Variants in BICDL1 observed in about 807,000 individuals in gnomAD.
BICDL1 encodes BICD family-like cargo adapter 1.
In BICDL1, 20 loss-of-function variants were observed where a neutral mutation model predicts 76.8. The observed-to-expected ratio is 0.26, with a 90% CI of 0.18 to 0.38. The LOEUF is 0.38. Ranked by LOEUF, BICDL1 falls within the 10% of genes least tolerant of loss-of-function variation. The probability of loss-of-function intolerance (pLI) is 1.00; values close to 1 mark genes in which losing one functional copy is unlikely to be tolerated. For synonymous variants in BICDL1, 383 were observed against 337.1 expected, an observed-to-expected ratio of 1.14 and a Z score of -1.49; for missense variants, 700 against 798.6, an observed-to-expected ratio of 0.88 and a Z score of 1.49.
rs768324072 is a variant in BICDL1, at chr12:120,071,685, G to A, written c.973G>A (p.Val325Met). ...CTCCTGCCGACAGCTGCAGGTGAAG[G>A]TGGAAGAACTCACTGAGGAGAGGAG... ...RLSCRQLQVKVEELTEERSLQ... is the reference protein window; with the variant it reads ...RLSCRQLQVKMEELTEERSLQ... Residue 325 changes from valine to methionine, a missense_variant, in exon 5 of 10, where the codon GTG becomes ATG. Physicochemically the swap from Val to Met is conservative, Grantham distance 21. This residue lies in a region of BICDL1 where 455 missense variants were observed against 548.7 expected (regional missense o/e 0.83). Coordinates refer to ENST00000548673, the MANE Select transcript of BICDL1 (RefSeq NM_001367886.1). The surrounding 1 kb of genome is among the most constrained non-coding windows in gnomAD (Gnocchi z 4.8). The A allele has an allele frequency of 3.2e-5, 52 of 1,612,736 alleles. No individual in the cohort carries two copies. The highest frequency in any genetic ancestry group is 4.2e-5 in the Non-Finnish European group (50 of 1,179,830).
At chr12:120,073,304 GA>G (rs1270719471) in intron 6 of BICDL1, among the ~76,000 whole-genome samples, 1 of 152,242 alleles carries the variant, frequency 6.6e-6, no homozygotes, top group Non-Finnish European at 1.5e-5. Context: ...GTGATGTACA[GA>G]CAATGGCAGC....
chr12:120,031,625 C>T (rs1252850410), intron 2 of BICDL1, among the ~76,000 whole-genome samples: 1 of 152,068 alleles, frequency 6.6e-6, no homozygotes, highest in Non-Finnish European at 1.5e-5. Flanking sequence ...GTGTGTGTAG[C>T]TCTTTGTGCA....
chr12:120,072,367 T>TAAA, intron 5 of BICDL1, 144 bp from the exon 6 acceptor site: 2 of 626,026 alleles, frequency 3.2e-6, no homozygotes, highest in Non-Finnish European at 5.4e-6. Flanking sequence ...ACAAATGAGT[T>TAAA]AAAAAAAAAA....
chr12:120,055,374 T>C (rs1017857707), intron 2 of BICDL1, among the ~76,000 whole-genome samples: 12 of 152,228 alleles, frequency 7.9e-5, no homozygotes, highest in Admixed American at 1.3e-4. Context: ...CTAAAGGTTC[T>C]AGTTTGGGGG....
chr12:120,009,113 G>A (rs1368397914), intron 2 of BICDL1, among the ~76,000 whole-genome samples: 9 of 151,964 alleles, frequency 5.9e-5, no homozygotes, highest in Admixed American at 2.0e-4. Context: ...TCAGCGTCCC[G>A]AGTAGCTGGG....
At position 120,066,892 on chromosome 12, in the gene BICDL1, G is replaced by A. The variant is rs538026724; in HGVS notation, c.909+2013G>A. 9.8e-4 allele frequency among the ~76,000 whole-genome samples: 150 copies of A among 152,322 alleles called. 1 individual carries two copies. The highest frequency in any genetic ancestry group is 2.4e-4 in the Non-Finnish European group (16 of 68,026). ...TGTAAAATGTAAAGCTAGTGGCCTT[G>A]GAATGTACTTAATCCTTTGATTTTA... On this transcript the variant is annotated intron_variant, in intron 4 of 9. Transcript: ENST00000548673.
In BICDL1 at chr12:119,999,062, GAAAAAAA is replaced by G. The variant is rs10658480; in HGVS notation, c.645+341_645+347del. ...GGCAACAGAGTGACAGCCTGTCTCG[GAAAAAAA>G]AAAAAAAAAAAAAAGTTGAAATAGA... On this transcript the variant is annotated intron_variant, in intron 2 of 9. Transcript: ENST00000548673. 4.8e-4 allele frequency among the ~76,000 whole-genome samples: 46 copies of G among 95,258 alleles called. No individual in the cohort carries two copies. The East Asian group carries it at 0.012, about 25-fold the overall frequency. 62.5% of individuals were successfully genotyped at this position (95,258 alleles called of 152,430 possible).
chr12:120,051,239 C>G (rs113732507), intron 2 of BICDL1, among the ~76,000 whole-genome samples: 13,107 of 151,930 alleles, frequency 0.086, 687 homozygotes, highest in African/African-American at 0.14. Context: ...GTAGAGACGG[C>G]ATTTCACCAT....
chr12:120,072,391 A>C (rs1873175057), intron 5 of BICDL1, 120 bp from the exon 6 acceptor site: 1 of 874,260 alleles, frequency 1.1e-6, no homozygotes, highest in South Asian at 1.6e-5. Flanking sequence ...AGAACAAAAA[A>C]CCCTTTCTTC....
At chr12:120,045,828 G>A (rs1030451077) in intron 2 of BICDL1, among the ~76,000 whole-genome samples, 8 of 151,122 alleles carry the variant, frequency 5.3e-5, no homozygotes, top group African/African-American at 2.0e-4. Context: ...TAGATGACGA[G>A]TTAGTGGGTG....
chr12:119,999,066 A>G (rs1282765004), intron 2 of BICDL1, among the ~76,000 whole-genome samples: 10 of 148,520 alleles, frequency 6.7e-5, no homozygotes, highest in Admixed American at 5.3e-4. Context: ...GTCTCGGAAA[A>G]AAAAAAAAAA....
intron 1 of BICDL1, among the ~76,000 whole-genome samples, chr12:119,995,266 CTAAATTCTGTACAAAATGG>C (rs1399454672): frequency 8.5e-5 from 13 of 152,146 alleles, no homozygotes; most frequent in African/African-American, 3.1e-4. Context: ...AGAGCAGATG[CTAAATTCTGTACAAAATGG>C]TAAATTCTGT....
intron 2 of BICDL1, among the ~76,000 whole-genome samples, chr12:120,045,934 TAAAA>T (rs1338241503): frequency 1.4e-5 from 2 of 141,784 alleles, no homozygotes; most frequent in Admixed American, 6.8e-5. Flanking sequence ...ATAATAATAA[TAAAA>T]AGAAAGTATA....
chr12:120,088,428 C>G (rs1322122013), intron 8 of BICDL1, among the ~76,000 whole-genome samples: 1 of 152,086 alleles, frequency 6.6e-6, no homozygotes, highest in Non-Finnish European at 1.5e-5. Context: ...ACAATCTGGG[C>G]TCACTGCAAG....
At chr12:120,003,126 C>G (rs1225100395) in intron 2 of BICDL1, among the ~76,000 whole-genome samples, 2 of 150,396 alleles carry the variant, frequency 1.3e-5, no homozygotes, top group African/African-American at 4.9e-5. Flanking sequence ...CCACTGCACT[C>G]CAGCCTGGGC....
At chr12:120,049,075 C>T (rs1279862179) in intron 2 of BICDL1, among the ~76,000 whole-genome samples, 1 of 152,126 alleles carries the variant, frequency 6.6e-6, no homozygotes, top group African/African-American at 2.4e-5. Flanking sequence ...GTGAAGGACT[C>T]ATAAGAAGAT....
At chr12:120,007,526 A>G (rs150621774) in intron 2 of BICDL1, among the ~76,000 whole-genome samples, 85 of 152,296 alleles carry the variant, frequency 5.6e-4, no homozygotes, top group Admixed American at 1.3e-3. Context: ...TGAGATGTGT[A>G]GGAGGAAGTT....
rs922293673 is a variant in BICDL1, at chr12:120,092,719, C to T, written c.1705-281C>T. The T allele has an allele frequency of 9.1e-6, 9 of 985,316 alleles. No homozygotes were observed. The African/African-American group carries it at 1.4e-4, about 15-fold the overall frequency. The allele number at this position is 985,316 out of a possible 1,614,324, so 61.0% of individuals were successfully genotyped here. ...GTGTGGAGACTGCAGGGAGAGACCA[C>T]CCGAGCCATCAGCTGAGGACTGTGG... On this transcript the variant is annotated intron_variant, in intron 9 of 9. Coordinates refer to ENST00000548673, the MANE Select transcript of BICDL1 (RefSeq NM_001367886.1).
chr12:119,996,466 C>T (rs964403569), intron 1 of BICDL1, among the ~76,000 whole-genome samples: 6 of 152,072 alleles, frequency 3.9e-5, no homozygotes, highest in Non-Finnish European at 8.8e-5. Flanking sequence ...GTAAGCTGTC[C>T]CTTAAGGCTT....
Sources: allele counts gnomAD v4.1 joint callset (sites outside exome capture counted in the v4.1 genomes callset), GRCh38; gene constraint gnomAD v4.1.1; regional missense constraint gnomAD v4.1.1; non-coding constraint Gnocchi (gnomAD v3.1); transcripts MANE v1.5; gene names NCBI Gene and HGNC (gene_info 2026-07-23, HGNC 2026-07-21).